KCND2: variants seen among roughly 807,000 people sequenced by gnomAD.
KCND2 encodes A-type voltage-gated potassium channel KCND2.
Under a neutral mutation model 54.4 loss-of-function variants are expected in KCND2, and 16 were observed. The observed-to-expected ratio is 0.29, with a 90% CI of 0.20 to 0.45. KCND2 has a LOEUF of 0.45. Ranked by LOEUF, KCND2 falls within the 20% of genes least tolerant of loss-of-function variation. KCND2 has a pLI of 1.00. For synonymous variants in KCND2, 317 were observed against 310.7 expected (o/e 1.02, Z -0.21); for missense variants, 486 against 824.2 (o/e 0.59, Z 5.02).
intron 1 of KCND2, among the ~76,000 whole-genome samples, chr7:120,329,906 T>C (rs1021339611): frequency 6.6e-6 from 1 of 152,212 alleles, no homozygotes; most frequent in Non-Finnish European, 1.5e-5. Flanking sequence ...ACTCATGTTG[T>C]TTAATTATTC....
chr7:120,617,481 A>G (rs1388472693), intron 1 of KCND2, among the ~76,000 whole-genome samples: 1 of 152,198 alleles, frequency 6.6e-6, no homozygotes. Flanking sequence ...TACTAAAGTC[A>G]AAAAATAACA....
At chr7:120,414,740 A>G (rs1801500992) in intron 1 of KCND2, among the ~76,000 whole-genome samples, 1 of 151,994 alleles carries the variant, frequency 6.6e-6, no homozygotes, top group Non-Finnish European at 1.5e-5. Flanking sequence ...CCTTGATTCC[A>G]TTGTCATCGG....
At chr7:120,475,763 C>A (rs999262827) in intron 1 of KCND2, among the ~76,000 whole-genome samples, 39 of 152,164 alleles carry the variant, frequency 2.6e-4, no homozygotes, top group African/African-American at 8.2e-4. Flanking sequence ...TGCCCATATA[C>A]AAAGTGTGTA....
At chr7:120,732,269 A>G (rs1263205104) in intron 1 of KCND2, among the ~76,000 whole-genome samples, 1 of 152,164 alleles carries the variant, frequency 6.6e-6, no homozygotes, top group African/African-American at 2.4e-5. Flanking sequence ...CCAATGAGAT[A>G]GGAGGGAAAA....
intron 1 of KCND2, among the ~76,000 whole-genome samples, chr7:120,438,991 A>G (rs1057000734): frequency 6.6e-6 from 1 of 152,126 alleles, no homozygotes; most frequent in African/African-American, 2.4e-5. Flanking sequence ...CTTGTTCAGC[A>G]TGGCTGAATC....
At chr7:120,707,997 CAGGTAAAAA>C (rs1792490993) in intron 1 of KCND2, among the ~76,000 whole-genome samples, 3 of 151,886 alleles carry the variant, frequency 2.0e-5, no homozygotes, top group South Asian at 4.2e-4. Context: ...GAGGTTTTTT[CAGGTAAAAA>C]AGGTAAAAAA....
chr7:120,536,609 A>G (rs1251544112), intron 1 of KCND2, among the ~76,000 whole-genome samples: 4 of 152,206 alleles, frequency 2.6e-5, no homozygotes, highest in African/African-American at 4.8e-5. Flanking sequence ...TATTCACAGT[A>G]TCTTCACCAG....
intron 1 of KCND2, among the ~76,000 whole-genome samples, chr7:120,475,710 A>G (rs1432179525): frequency 2.0e-5 from 3 of 152,224 alleles, no homozygotes; most frequent in African/African-American, 7.2e-5. Flanking sequence ...AACAATTATC[A>G]TATGGTCATG....
chr7:120,473,106 G>T (rs961961642), intron 1 of KCND2, among the ~76,000 whole-genome samples: 1 of 152,174 alleles, frequency 6.6e-6, no homozygotes, highest in South Asian at 2.1e-4. Flanking sequence ...CTTTCAGGGT[G>T]GAAGGAGTGT....
At chr7:120,304,132 T>C in intron 1 of KCND2, among the ~76,000 whole-genome samples, 1 of 152,192 alleles carries the variant, frequency 6.6e-6, no homozygotes, top group East Asian at 1.9e-4. Context: ...AATCTGTCAC[T>C]ACCACATCAG....
chr7:120,378,837 T>G (rs1800872738), intron 1 of KCND2, among the ~76,000 whole-genome samples: 1 of 152,038 alleles, frequency 6.6e-6, no homozygotes, highest in Non-Finnish European at 1.5e-5. Context: ...CTGGAACTAT[T>G]CTAAGGCCTG....
At position 120,421,883 on chromosome 7, in the gene KCND2, G is replaced by A. The variant is rs558430223; in HGVS notation, c.1115+146136G>A. ...CCTGCTCCCTGAAAGAAAAGTGTTCGGAGCTGGTGGACTAGTGGCCACTTT... is the reference window on the plus strand; with the variant it reads ...CCTGCTCCCTGAAAGAAAAGTGTTCAGAGCTGGTGGACTAGTGGCCACTTT... On this transcript the variant is annotated intron_variant, in intron 1 of 5. Coordinates refer to ENST00000331113, the MANE Select transcript of KCND2 (RefSeq NM_012281.3). 1.8e-4 allele frequency among the ~76,000 whole-genome samples: 28 copies of A among 152,264 alleles called. No individual in the cohort carries two copies. The East Asian group carries it at 2.5e-3, about 14-fold the overall frequency.
chr7:120,502,103 C>T (rs891320467), intron 1 of KCND2, among the ~76,000 whole-genome samples: 7 of 151,992 alleles, frequency 4.6e-5, no homozygotes, highest in Non-Finnish European at 5.9e-5. Context: ...CTCTAGCCAA[C>T]GGTTGGAAAT....
chr7:120,338,820 G>A (rs1248035963), intron 1 of KCND2, among the ~76,000 whole-genome samples: 4 of 151,976 alleles, frequency 2.6e-5, no homozygotes, highest in African/African-American at 9.7e-5. Flanking sequence ...ACAGAGAGTT[G>A]GGTGTAGTAA....
chr7:120,286,636 C>T (rs749521029), intron 1 of KCND2, among the ~76,000 whole-genome samples: 32 of 151,892 alleles, frequency 2.1e-4, no homozygotes, highest in Non-Finnish European at 4.1e-4. Context: ...TGATTGATGA[C>T]ACACCATAAA....
chr7:120,480,763 CT>C (rs1473213144), intron 1 of KCND2, among the ~76,000 whole-genome samples: 1 of 152,188 alleles, frequency 6.6e-6, no homozygotes, highest in Non-Finnish European at 1.5e-5. Context: ...GCAAAATAAA[CT>C]TCTGTTCTTT....
At chr7:120,675,755 G>A (rs1038355386) in intron 1 of KCND2, among the ~76,000 whole-genome samples, 3 of 151,838 alleles carry the variant, frequency 2.0e-5, no homozygotes, top group Admixed American at 2.0e-4. Flanking sequence ...ATTATTCCTC[G>A]ATTATCTAAT....
At chr7:120,537,095 GT>G (rs1791921333) in intron 1 of KCND2, among the ~76,000 whole-genome samples, 2 of 152,008 alleles carry the variant, frequency 1.3e-5, no homozygotes, top group African/African-American at 4.8e-5. Flanking sequence ...TTTACAAAAT[GT>G]TTTTCTTAAA....
chr7:120,312,548 A>G (rs1799752090), intron 1 of KCND2, among the ~76,000 whole-genome samples: 1 of 152,180 alleles, frequency 6.6e-6, no homozygotes, highest in South Asian at 2.1e-4. Context: ...TGGAAAGGAT[A>G]TTTGATTCAG....
Sources: gnomAD v4.1 joint callset for allele counts (sites outside exome capture counted in the v4.1 genomes callset) on GRCh38, gnomAD v4.1.1 for gene constraint, MANE v1.5 for transcripts, NCBI Gene and HGNC (gene_info 2026-07-23, HGNC 2026-07-21) for gene names.